Variants in FANCA observed in about 807,000 individuals in gnomAD.
FANCA encodes the protein Fanconi anemia group A protein.
Under a neutral mutation model 194.3 loss-of-function variants are expected in FANCA, and 236 were observed. The observed-to-expected ratio is 1.21, with a 90% CI of 1.09 to 1.35. The LOEUF is 1.35. Among genes scored for constraint, FANCA ranks in the 40% most tolerant of loss-of-function variants. The pLI, the probability that FANCA is intolerant of heterozygous loss-of-function variation, is 0.00. For missense variants in FANCA, 2,628 were observed against 1,813.9 expected, an observed-to-expected ratio of 1.45 and a Z score of -8.15; for synonymous variants, 1,014 against 715.8, an observed-to-expected ratio of 1.42 and a Z score of -6.65.
intron 14 of FANCA, among the ~76,000 whole-genome samples, chr16:89,786,955 G>A (rs12935366): frequency 0.014 from 2,170 of 152,200 alleles, 43 homozygotes; most frequent in South Asian, 0.093. Context: ...TCTTGGCAAC[G>A]TTCACTCAAT....
chr16:89,808,321 A>G lies in FANCA; in HGVS notation c.569T>C (p.Ile190Thr), dbSNP rs775046491. Reference protein sequence around the residue: ...EAVWHLHVQGIVSLQELLESH... With the variant: ...EAVWHLHVQGTVSLQELLESH... ...TTCCAGCAGCTCTTGCAGGCTCACA[A>G]TGCCTTGTACGTGAAGATGCCACAC... Residue 190 changes from isoleucine to threonine, a missense_variant, in exon 6 of 43, where the codon ATT (isoleucine) becomes ACT (threonine). Ile to Thr is a moderately conservative substitution (Grantham distance 89). Coordinates refer to ENST00000389301, the MANE Select transcript of FANCA (RefSeq NM_000135.4). 6.2e-7 allele frequency: 1 copy of G among 1,614,162 alleles called. No homozygotes were observed. The highest frequency in any genetic ancestry group is 8.5e-7 in the Non-Finnish European group (1 of 1,180,028).
intron 13 of FANCA, 137 bp downstream of exon 13, chr16:89,791,790 C>T (rs999187194): frequency 1.2e-5 from 14 of 1,156,644 alleles, no homozygotes; most frequent in South Asian, 3.9e-5. Context: ...AATGTTCCAT[C>T]GACAGGAGGC....
intron 29 of FANCA, among the ~76,000 whole-genome samples, chr16:89,759,318 T>TTAAAAAAAAAAAAAAAAAAAAAAAAAAA (rs1224981781): frequency 1.3e-5 from 1 of 75,180 alleles, no homozygotes. Flanking sequence ...AGACTCCGTC[T>TTAAAAAAAAAAAAAAAAAAAAAAAAAAA]AAAAAAAAAA....
chr16:89,811,916 G>C (rs1381453458), intron 3 of FANCA, among the ~76,000 whole-genome samples: 1 of 151,610 alleles, frequency 6.6e-6, no homozygotes, highest in Non-Finnish European at 1.5e-5. Context: ...ATTTTTAGTA[G>C]AGATGGGGTT....
At chr16:89,781,382 A>C (rs1567627492) in intron 17 of FANCA, among the ~76,000 whole-genome samples, 1 of 150,268 alleles carries the variant, frequency 6.7e-6, no homozygotes, top group South Asian at 2.1e-4. Context: ...AAAAAAAAAA[A>C]AAAACAATAC....
chr16:89,740,649 A>C (rs563780007), intron 38 of FANCA, 155 bp downstream of exon 38: 13 of 650,386 alleles, frequency 2.0e-5, no homozygotes, highest in African/African-American at 1.3e-4. Flanking sequence ...AAAAAAAAAA[A>C]AAAAACCCAC....
intron 11 of FANCA, among the ~76,000 whole-genome samples, chr16:89,794,554 A>T (rs1031791449): frequency 2.6e-5 from 4 of 152,114 alleles, no homozygotes; most frequent in African/African-American, 7.2e-5. Flanking sequence ...AAATAAATAC[A>T]TAAAATAAGA....
rs2151709922 is a variant in FANCA, at chr16:89,738,691, C to T, written c.4278G>A (p.Gly1426=). 1.2e-6 allele frequency: 2 copies of T among 1,613,934 alleles called. No homozygotes were observed. Among genetic ancestry groups the T allele is most frequent in the Non-Finnish European group, 1.7e-6 (2 of 1,179,992 alleles). The change falls in exon 43 of 43, where the codon GGG becomes GGA. Residue 1426 remains glycine (G), a synonymous_variant. Coordinates refer to ENST00000389301, the MANE Select transcript of FANCA (RefSeq NM_000135.4). ...SHVAELLADR[G]DCDPEVSAAL... ...CGGCGCTCACCTCTGGGTCGCAGTC[C>T]CCACGATCAGCCAGCAGCTGTGAGA...
chr16:89,739,710 C>T (rs1051139968), intron 39 of FANCA, 157 bp from the exon 40 acceptor site: 1 of 1,507,940 alleles, frequency 6.6e-7, no homozygotes, highest in Non-Finnish European at 8.9e-7. Flanking sequence ...AGGTACCTGT[C>T]AGCAGCTGGG....
chr16:89,739,174 CTG>C lies in FANCA; in HGVS notation c.4124_4125del (p.Thr1375SerfsTer49), dbSNP rs776969626. 4.3e-6 allele frequency: 7 copies of C among 1,614,188 alleles called. No individual in the cohort carries two copies. The highest frequency in any genetic ancestry group is 2.2e-5 in the East Asian group (1 of 44,892). On this transcript the variant is annotated frameshift_variant, in exon 41 of 43. Coordinates refer to ENST00000389301, the MANE Select transcript of FANCA (RefSeq NM_000135.4). LOFTEE classifies it high-confidence loss of function. ...VQLFVAGDTS[T>X]VSPPAGRSLE... ...AGGCTCCTGCCAGCTGGAGGTGAAA[CTG>C]TGCTTGTATCCCCAGCCACGAAGAG...
Position 89,738,439 on chromosome 16 carries a change from G to T in FANCA, c.*162C>A. On this transcript the variant is annotated 3_prime_UTR_variant, in exon 43 of 43. Coordinates refer to ENST00000389301, the MANE Select transcript of FANCA (RefSeq NM_000135.4). ...AGTGGTTTATTTTCCCGCAAACGCT[G>T]AGTGACTCGGGGCCGGACAGTTCAT... 1 of 1,382,886 alleles carries T rather than the reference G, an allele frequency of 7.2e-7. No homozygotes were observed. Among genetic ancestry groups the T allele is most frequent in the Non-Finnish European group, 9.9e-7 (1 of 1,011,340 alleles). 85.7% of individuals were successfully genotyped at this position (1,382,886 alleles called of 1,614,324 possible).
At chr16:89,769,461 C>G (rs2039245894) in intron 26 of FANCA, among the ~76,000 whole-genome samples, 1 of 152,192 alleles carries the variant, frequency 6.6e-6, no homozygotes, top group African/African-American at 2.4e-5. Context: ...CACTGGGAAG[C>G]TACTCACCAT....
Position 89,745,193 on chromosome 16 carries a change from T to C in FANCA, c.3514-122A>G. ...CTACAGGCCCACACTCGCCCTGCGC[T>C]CTGGAACTCCAAAGCCAGTATTTTT... is the stretch of plus-strand genomic sequence containing the variant. On this transcript the variant is annotated intron_variant, in intron 35 of 42. Transcript: ENST00000389301. 3.3e-6 allele frequency: 3 copies of C among 905,016 alleles called. No homozygotes were observed. In the South Asian group the frequency reaches 4.2e-5, roughly 13 times the overall value. 56.1% of individuals were successfully genotyped at this position (905,016 alleles called of 1,614,324 possible).
intron 35 of FANCA, 69 bp from the exon 36 acceptor site, chr16:89,745,140 G>C (rs926837827): frequency 4.9e-6 from 7 of 1,438,746 alleles, no homozygotes; most frequent in Admixed American, 2.0e-5. Flanking sequence ...CCCCAGCCAT[G>C]ACAAGCCCCC....
At chr16:89,775,453 C>T (rs2039468109) in intron 21 of FANCA, among the ~76,000 whole-genome samples, 2 of 152,366 alleles carry the variant, frequency 1.3e-5, no homozygotes, top group African/African-American at 4.8e-5. Context: ...CCTGTACAAA[C>T]ACCTCAGTGC....
At chr16:89,739,683 C>G in intron 39 of FANCA, 130 bp from the exon 40 acceptor site, 4 of 1,517,366 alleles carry the variant, frequency 2.6e-6, no homozygotes, top group Non-Finnish European at 3.6e-6. Flanking sequence ...GGCGAACAGC[C>G]TGAGCTGAGG....
rs1236389735 is a variant in FANCA at position 89,761,408 on chromosome 16, G to C, written c.2852+541C>G. Among the ~76,000 whole-genome samples the C allele has an allele frequency of 4.0e-5, 5 of 124,672 alleles. No homozygotes were observed. In the South Asian group the frequency reaches 1.1e-3, roughly 28 times the overall value. 81.8% of individuals were successfully genotyped at this position (124,672 alleles called of 152,430 possible). ...CATTCCAGCCTGGGTGACAGAGCAA[G>C]ACTCTGTCTCAGAAAAAAAAAAAAA... On this transcript the variant is annotated intron_variant, in intron 29 of 42. Coordinates refer to ENST00000389301, the MANE Select transcript of FANCA (RefSeq NM_000135.4).
At chr16:89,798,833 A>T in intron 10 of FANCA, 1 of 1,489,852 alleles carries the variant, frequency 6.7e-7, no homozygotes, top group Non-Finnish European at 8.9e-7. Flanking sequence ...TAGAGCCTGA[A>T]TCACACCCAG....
At chr16:89,800,511 T>A (rs529973198) in intron 8 of FANCA, among the ~76,000 whole-genome samples, 2 of 152,196 alleles carry the variant, frequency 1.3e-5, no homozygotes, top group South Asian at 4.1e-4. Context: ...GCAATCCCTA[T>A]CAAAATACCA....
Sources: gnomAD v4.1 joint callset for allele counts (sites outside exome capture counted in the v4.1 genomes callset) on GRCh38, gnomAD v4.1.1 for gene constraint, MANE v1.5 for transcripts, NCBI Gene and HGNC (gene_info 2026-07-23, HGNC 2026-07-21) for gene names.